LTBP4: variants seen among roughly 807,000 people sequenced by gnomAD.
LTBP4 encodes the protein latent-transforming growth factor beta-binding protein 4.
Under a neutral mutation model 180.2 loss-of-function variants are expected in LTBP4, and 93 were observed. The observed-to-expected ratio is 0.52, with a 90% CI of 0.44 to 0.61. The LOEUF is 0.61. Ranked by LOEUF, LTBP4 falls within the 20% of genes least tolerant of loss-of-function variation. The pLI, the probability that LTBP4 is intolerant of heterozygous loss-of-function variation, is 0.00. For missense variants in LTBP4, 2,116 were observed against 2,256.5 expected (o/e 0.94, Z 1.26); for synonymous variants, 947 against 934.5 (o/e 1.01, Z -0.24).
At chr19:40,597,107 G>A (rs1015630086), upstream of LTBP4, 123 of 926,840 alleles carry the variant, frequency 1.3e-4, no homozygotes, top group Middle Eastern at 2.7e-3. Context: ...TTCGCAGCCC[G>A]TGGCTGGACT....
At chr19:40,607,666 A>G in intron 7 of LTBP4, 137 bp downstream of exon 7, 3 of 948,696 alleles carry the variant, frequency 3.2e-6, no homozygotes, top group Non-Finnish European at 3.1e-6. Flanking sequence ...AGCCTCTGAG[A>G]CCCGCAGGCC....
rs372533199 is a variant in LTBP4 at position 40,610,422 on chromosome 19, G to C, written c.1685-110G>C. ...CTGTCCTGGCCGGGTCCCCATCCTG[G>C]CTCTGGCCCAAGCTTGGTCCCGCTC... On this transcript the variant is annotated intron_variant, in intron 11 of 29. Coordinates refer to ENST00000396819, the MANE Select transcript of LTBP4 (RefSeq NM_001042545.2). 421 of 1,337,220 alleles carry C rather than the reference G, an allele frequency of 3.1e-4. 2 individuals carry two copies. In the African/African-American group the frequency reaches 5.7e-3, roughly 18 times the overall value. The allele number at this position is 1,337,220 out of a possible 1,614,324, so 82.8% of individuals were successfully genotyped here. A position where few individuals can be genotyped will look rare whatever the true frequency, so the allele number is the denominator to read the frequency against.
intron 22 of LTBP4, among the ~76,000 whole-genome samples, chr19:40,621,746 G>C (rs2081587423): frequency 6.6e-6 from 1 of 152,046 alleles, no homozygotes; most frequent in South Asian, 2.1e-4. Flanking sequence ...ACAAGGCATA[G>C]GTTTTTTGTT....
Position 40,627,749 on chromosome 19 carries a change from G to T in LTBP4, c.4411G>T (p.Gly1471Trp). The T allele has an allele frequency of 1.3e-6, 2 of 1,595,916 alleles. No individual in the cohort carries two copies. Among genetic ancestry groups the T allele is most frequent in the Non-Finnish European group, 1.7e-6 (2 of 1,173,130 alleles). Residue 1471 changes from glycine to tryptophan, a missense_variant, in exon 29 of 30, where the codon GGG becomes TGG. Around this residue, in one of 5 missense-constraint regions of LTBP4, gnomAD observed 488 missense variants for 458.8 expected, o/e 1.06. Transcript: ENST00000396819. Reference protein sequence around the residue: ...PYEELEAEECGILDGCTNGRC... With the variant: ...PYEELEAEECWILDGCTNGRC... ...CGAGGAGCTGGAGGCGGAGGAGTGC[G>T]GGATCCTGGACGGCTGCACCAACGG...
At position 40,613,507 on chromosome 19, in the gene LTBP4, A is replaced by G. The variant is rs775848118; in HGVS notation, c.2535A>G (p.Gly845=). 11 of 1,574,348 alleles carry G rather than the reference A, an allele frequency of 7.0e-6. No individual in the cohort carries two copies. The highest frequency in any genetic ancestry group is 9.5e-6 in the Non-Finnish European group (11 of 1,161,040). ...ACTCAPGYRP[G]PRGASCLDVD... ...CTTGTGCCCCTGGCTACCGACCCGG[A>G]CCCCGCGGAGCCTCTTGCCTCGGTT... Residue 845 remains glycine, a synonymous_variant, in exon 17 of 30, where the codon GGA becomes GGG. Coordinates refer to ENST00000396819, the MANE Select transcript of LTBP4 (RefSeq NM_001042545.2). This position sits in a 1 kb window ranked among gnomAD's most constrained non-coding sequence, Gnocchi z 5.0.
chr19:40,611,418 A>G lies in LTBP4; in HGVS notation c.2053+24A>G. The G allele has an allele frequency of 1.3e-6, 2 of 1,589,494 alleles. No individual in the cohort carries two copies. The highest frequency in any genetic ancestry group is 1.7e-6 in the Non-Finnish European group (2 of 1,171,150). ...AGGTGAGGGTGCTGAGCCCAGCCCTACTCCATCACTGTTTGCTGTGGAGAC... is the reference window on the plus strand; with the variant it reads ...AGGTGAGGGTGCTGAGCCCAGCCCTGCTCCATCACTGTTTGCTGTGGAGAC... On this transcript the variant is annotated intron_variant, in intron 13 of 29. Transcript: ENST00000396819. The surrounding 1 kb of genome is among the most constrained non-coding windows in gnomAD (Gnocchi z 4.4).
Position 40,614,390 on chromosome 19 carries a change from G to A in LTBP4, c.2756G>A (p.Arg919His), listed in dbSNP as rs2081532159. ...TGTGAGAACTCTCCCGGCTCCTACC[G>A]CTGTGTCCGGGACTGCGATCCTGGG... Reference protein sequence around the residue: ...QRCENSPGSYRCVRDCDPGYH... With the variant: ...QRCENSPGSYHCVRDCDPGYH... Residue 919 changes from arginine (R) to histidine (H), a missense_variant, in exon 19 of 30, where the codon CGC becomes CAC. Arg to His is a conservative substitution (Grantham distance 29). Around this residue, in one of 5 missense-constraint regions of LTBP4, gnomAD observed 877 missense variants for 873.6 expected, o/e 1.00. Coordinates refer to ENST00000396819, the MANE Select transcript of LTBP4 (RefSeq NM_001042545.2). 6.2e-7 allele frequency: 1 copy of A among 1,600,320 alleles called. No individual in the cohort carries two copies.
intron 19 of LTBP4, among the ~76,000 whole-genome samples, chr19:40,614,766 TA>T (rs985165473): frequency 6.6e-6 from 1 of 151,826 alleles, no homozygotes; most frequent in African/African-American, 2.4e-5. Flanking sequence ...GCCTCTGGAT[TA>T]AAACCCCCTC....
At chr19:40,593,334 C>T (rs949889302) in intron 1 of LTBP4, among the ~76,000 whole-genome samples, 2 of 152,160 alleles carry the variant, frequency 1.3e-5, no homozygotes, top group African/African-American at 4.8e-5. Context: ...CCTCGGCCTT[C>T]TGGGCTCAAG....
intron 7 of LTBP4, 59 bp downstream of exon 7, chr19:40,607,588 C>G (rs952538796): frequency 1.3e-5 from 19 of 1,494,220 alleles, no homozygotes; most frequent in Non-Finnish European, 1.6e-5. Context: ...TCATTCTACG[C>G]CCCACCCTCC....
At chr19:40,618,445 G>C (rs2146039091) in intron 21 of LTBP4, among the ~76,000 whole-genome samples, 1 of 152,182 alleles carries the variant, frequency 6.6e-6, no homozygotes, top group East Asian at 1.9e-4. Context: ...ACTTTGAGTA[G>C]AGATGGAGTT....
chr19:40,602,808 G>A (rs903729460), intron 1 of LTBP4, among the ~76,000 whole-genome samples: 4 of 152,176 alleles, frequency 2.6e-5, no homozygotes, highest in African/African-American at 9.7e-5. Context: ...CACCCCCAGG[G>A]AGCTGGCCTG....
chr19:40,613,652 G>A lies in LTBP4; in HGVS notation c.2557+123G>A. 1 of 1,466,280 alleles carries A rather than the reference G, an allele frequency of 6.8e-7. No individual in the cohort carries two copies. The highest frequency in any genetic ancestry group is 9.2e-7 in the Non-Finnish European group (1 of 1,084,614). The allele number at this position is 1,466,280 out of a possible 1,614,324, so 90.8% of individuals were successfully genotyped here. On this transcript the variant is annotated intron_variant, in intron 17 of 29. Transcript: ENST00000396819. The surrounding 1 kb of genome is among the most constrained non-coding windows in gnomAD (Gnocchi z 5.0). ...TAGCCGGGGTATTCCAGCAGGATCA[G>A]GGGGCAGCTGGTGGGAGTCTCGAGG... is the stretch of plus-strand genomic sequence containing the variant.
At chr19:40,594,087 C>T (rs1263591671) in intron 1 of LTBP4, among the ~76,000 whole-genome samples, 1 of 151,398 alleles carries the variant, frequency 6.6e-6, no homozygotes, top group African/African-American at 2.4e-5. Flanking sequence ...CGTGAGCCGG[C>T]CTTATTCTGG....
Position 40,614,046 on chromosome 19 carries a change from G to T in LTBP4, c.2680+8G>T, listed in dbSNP as rs748419186. On this transcript the variant is annotated splice_region_variant and intron_variant, in intron 18 of 29. Transcript: ENST00000396819. ...ACCTCGCCTCCTGCCTCGGTGAGAG[G>T]CCCCGCCCCGGCCTGATCCCTCCTC... The T allele has an allele frequency of 2.5e-6, 4 of 1,610,408 alleles. No individual in the cohort carries two copies. In the South Asian group the frequency reaches 3.3e-5, roughly 13 times the overall value.
intron 22 of LTBP4, among the ~76,000 whole-genome samples, chr19:40,620,737 C>T (rs1182176948): frequency 2.2e-5 from 3 of 134,668 alleles, no homozygotes; most frequent in Non-Finnish European, 4.6e-5. Context: ...CACTGCACTC[C>T]AGCCTGGGTG....
intron 1 of LTBP4, among the ~76,000 whole-genome samples, chr19:40,602,163 G>C (rs1428109258): frequency 6.9e-6 from 1 of 143,960 alleles, no homozygotes; most frequent in Admixed American, 6.9e-5. Flanking sequence ...GTGTGTGTGT[G>C]TGTGTGTGTG....
In LTBP4 at chr19:40,610,103, G is replaced by A. The variant is rs143706881; in HGVS notation, c.1684+232G>A. The A allele has an allele frequency of 7.8e-4, 434 of 558,172 alleles. 2 individuals are homozygous for A. Among genetic ancestry groups the A allele is most frequent in the Middle Eastern group, 6.3e-3 (13 of 2,076 alleles). 34.6% of individuals were successfully genotyped at this position (558,172 alleles called of 1,614,324 possible). Reference sequence around the variant, plus strand: ...TGCCAGTTTCTATCGGGGCCTGGTCGCAACTCGTATTGCTCCGCCCCCACG... The same window carrying A: ...TGCCAGTTTCTATCGGGGCCTGGTCACAACTCGTATTGCTCCGCCCCCACG... On this transcript the variant is annotated intron_variant, in intron 11 of 29. Coordinates refer to ENST00000396819, the MANE Select transcript of LTBP4 (RefSeq NM_001042545.2).
At position 40,609,442 on chromosome 19, in the gene LTBP4, T is replaced by C; in HGVS notation, c.1427-88T>C. 1 of 1,536,968 alleles carries C rather than the reference T, an allele frequency of 6.5e-7. No homozygotes were observed. The highest frequency in any genetic ancestry group is 1.2e-5 in the South Asian group (1 of 85,822). On this transcript the variant is annotated intron_variant, in intron 9 of 29. Transcript: ENST00000396819. This position sits in a 1 kb window ranked among gnomAD's most constrained non-coding sequence, Gnocchi z 4.9. ...AGGAGACATCCATGAAGGTGTTTTA[T>C]GGATGTCTCCGGGGGTGGGGGTTTT...
Sources: allele counts gnomAD v4.1 joint callset (sites outside exome capture counted in the v4.1 genomes callset), GRCh38; gene constraint gnomAD v4.1.1; regional missense constraint gnomAD v4.1.1; non-coding constraint Gnocchi (gnomAD v3.1); transcripts MANE v1.5; gene names NCBI Gene and HGNC (gene_info 2026-07-23, HGNC 2026-07-21).